FSTL5: variants seen among roughly 807,000 people sequenced by gnomAD.
FSTL5 encodes the protein follistatin-related protein 5.
FSTL5 carries 62 observed loss-of-function variants against 89.1 expected under a neutral mutation model. The observed-to-expected ratio is 0.70, with a 90% CI of 0.57 to 0.86. The LOEUF (loss-of-function observed/expected upper bound fraction) is 0.86. Among genes scored for constraint, FSTL5 ranks in the 40% least tolerant of loss-of-function variants. FSTL5 has a pLI of 0.00. For synonymous variants in FSTL5, 383 were observed against 346.2 expected, an observed-to-expected ratio of 1.11 and a Z score of -1.18; for missense variants, 1,057 against 1,001.6, an observed-to-expected ratio of 1.06 and a Z score of -0.75.
intron 3 of FSTL5, among the ~76,000 whole-genome samples, chr4:161,954,789 C>A (rs551994461): frequency 1.4e-4 from 21 of 151,600 alleles, no homozygotes; most frequent in Non-Finnish European, 2.8e-4. Context: ...AAATGTGTTT[C>A]AAATGTCTTT....
chr4:162,075,147 G>C (rs1492447), intron 2 of FSTL5, among the ~76,000 whole-genome samples: 8,343 of 151,714 alleles, frequency 0.055, 322 homozygotes, highest in East Asian at 0.11. Flanking sequence ...ATGAAGACTC[G>C]AAGCCAAAGC....
intron 7 of FSTL5, among the ~76,000 whole-genome samples, chr4:161,613,373 C>CT (rs1352437046): frequency 1.3e-5 from 2 of 151,736 alleles, no homozygotes; most frequent in African/African-American, 4.8e-5. Flanking sequence ...TTGCTTGAAC[C>CT]CAGGAGGCGG....
rs147063031 is a variant in FSTL5, at chr4:161,421,690, A to T, written c.1841+33314T>A. Among the ~76,000 whole-genome samples, 139 of 152,340 alleles carry T rather than the reference A, an allele frequency of 9.1e-4. 1 individual carries two copies. Among genetic ancestry groups the T allele is most frequent in the African/African-American group, 3.2e-3 (132 of 41,576 alleles). On this transcript the variant is annotated intron_variant, in intron 15 of 15. Coordinates refer to ENST00000306100, the MANE Select transcript of FSTL5 (RefSeq NM_020116.5). ...TGAATTGGTGGACTGGATGAGGCAG[A>T]TGGCTCTCCCTAATGTGGGTGGGCA...
At chr4:161,811,159 T>C (rs975490318) in intron 4 of FSTL5, among the ~76,000 whole-genome samples, 1 of 152,066 alleles carries the variant, frequency 6.6e-6, no homozygotes, top group Non-Finnish European at 1.5e-5. Flanking sequence ...AGAACACCTT[T>C]TTGTTGATTG....
At chr4:162,062,261 T>C (rs1420155565) in intron 2 of FSTL5, among the ~76,000 whole-genome samples, 1 of 151,968 alleles carries the variant, frequency 6.6e-6, no homozygotes, top group Non-Finnish European at 1.5e-5. Flanking sequence ...GTAGGATAGA[T>C]TTCTAAATAG....
intron 4 of FSTL5, among the ~76,000 whole-genome samples, chr4:161,898,804 T>A (rs948708008): frequency 1.3e-5 from 2 of 151,934 alleles, no homozygotes; most frequent in Non-Finnish European, 2.9e-5. Flanking sequence ...TAATTTTTTG[T>A]ATTTTTAGTA....
chr4:161,623,961 A>C (rs1425766135), intron 7 of FSTL5, among the ~76,000 whole-genome samples: 2 of 152,036 alleles, frequency 1.3e-5, no homozygotes, highest in Non-Finnish European at 2.9e-5. Context: ...CTTAGCAGTT[A>C]AATTTGCAAG....
intron 3 of FSTL5, among the ~76,000 whole-genome samples, chr4:161,933,004 T>C (rs1300511416): frequency 1.3e-5 from 2 of 152,156 alleles, no homozygotes; most frequent in African/African-American, 4.8e-5. Context: ...TATCTTTTCA[T>C]AAACATTTTA....
chr4:161,472,582 T>A (rs184771618), intron 13 of FSTL5, among the ~76,000 whole-genome samples: 6 of 152,254 alleles, frequency 3.9e-5, no homozygotes, highest in African/African-American at 1.4e-4. Context: ...CCTCTAAGTA[T>A]TTTCTAATTT....
At chr4:161,620,548 C>T (rs375818006) in intron 7 of FSTL5, among the ~76,000 whole-genome samples, 3 of 152,108 alleles carry the variant, frequency 2.0e-5, no homozygotes, top group East Asian at 1.9e-4. Flanking sequence ...CCCAGCTACT[C>T]GGGAAGCTGA....
rs191422629 is a variant in FSTL5 at position 161,886,550 on chromosome 4, C to G, written c.409+33854G>C. Among the ~76,000 whole-genome samples, 597 of 152,230 alleles carry G rather than the reference C, an allele frequency of 3.9e-3. 3 individuals carry two copies. The highest frequency in any genetic ancestry group is 6.0e-3 in the Non-Finnish European group (407 of 67,988). Reference sequence around the variant, plus strand: ...CAATAAATAAAAGGCATTAGATAAACATCTGCCATATTTCTTCAATCATAT... The same window carrying G: ...CAATAAATAAAAGGCATTAGATAAAGATCTGCCATATTTCTTCAATCATAT... On this transcript the variant is annotated intron_variant, in intron 4 of 15. Coordinates refer to ENST00000306100, the MANE Select transcript of FSTL5 (RefSeq NM_020116.5).
At chr4:161,601,095 G>A (rs13149906) in intron 7 of FSTL5, among the ~76,000 whole-genome samples, 26,223 of 151,966 alleles carry the variant, frequency 0.17, 2,363 homozygotes, top group Middle Eastern at 0.32. Context: ...CAAGTTGTGA[G>A]AGTATAAAAC....
chr4:161,566,554 C>T (rs1349920474), intron 8 of FSTL5, among the ~76,000 whole-genome samples: 3 of 152,072 alleles, frequency 2.0e-5, no homozygotes, highest in African/African-American at 7.2e-5. Flanking sequence ...AGTGGCTGTA[C>T]TAATTGACAT....
intron 3 of FSTL5, among the ~76,000 whole-genome samples, chr4:162,014,246 A>G (rs930580853): frequency 6.6e-6 from 1 of 152,236 alleles, no homozygotes; most frequent in Non-Finnish European, 1.5e-5. Flanking sequence ...ATTTTAAAGA[A>G]CAGAACAGTT....
intron 2 of FSTL5, among the ~76,000 whole-genome samples, chr4:162,050,158 G>GTA (rs1738332839): frequency 1.3e-5 from 2 of 151,720 alleles, no homozygotes; most frequent in Non-Finnish European, 2.9e-5. Context: ...TTCCGCAAGT[G>GTA]AATACACAAT....
At chr4:161,605,279 C>T (rs1466848127) in intron 7 of FSTL5, among the ~76,000 whole-genome samples, 1 of 152,160 alleles carries the variant, frequency 6.6e-6, no homozygotes, top group Non-Finnish European at 1.5e-5. Flanking sequence ...TGAAGTAAAA[C>T]ATGCCATAGC....
chr4:161,417,731 T>C (rs924024019), intron 15 of FSTL5, among the ~76,000 whole-genome samples: 1 of 152,192 alleles, frequency 6.6e-6, no homozygotes, highest in African/African-American at 2.4e-5. Context: ...CAAAGGAAAT[T>C]AGTTAAATCA....
At chr4:161,849,617 G>A (rs1411058373) in intron 4 of FSTL5, among the ~76,000 whole-genome samples, 1 of 150,546 alleles carries the variant, frequency 6.6e-6, no homozygotes, top group African/African-American at 2.4e-5. Context: ...CATCTTCTTT[G>A]CTTAAAAATG....
chr4:161,466,124 A>G (rs1041044415), intron 13 of FSTL5, among the ~76,000 whole-genome samples: 1 of 152,220 alleles, frequency 6.6e-6, no homozygotes, highest in Non-Finnish European at 1.5e-5. Context: ...TTGTAGCTTT[A>G]TACACATATT....
Sources: allele counts gnomAD v4.1 joint callset (sites outside exome capture counted in the v4.1 genomes callset), GRCh38; gene constraint gnomAD v4.1.1; transcripts MANE v1.5; gene names NCBI Gene and HGNC (gene_info 2026-07-23, HGNC 2026-07-21).